Variants in UGT1A10 observed in about 807,000 individuals in gnomAD.
UGT1A10 encodes the protein UDP glucuronosyltransferase family 1 member A10.
Under a neutral mutation model 45.8 loss-of-function variants are expected in UGT1A10, and 49 were observed. The ratio of observed to expected loss-of-function variants is 1.07; its 90% CI spans 0.85 to 1.36. UGT1A10 has a LOEUF of 1.36. UGT1A10 is among the 40% of genes most tolerant of loss of function. UGT1A10 has a pLI of 0.00. For missense variants in UGT1A10, 745 were observed against 668.6 expected, an observed-to-expected ratio of 1.11 and a Z score of -1.26; for synonymous variants, 284 against 249.7, an observed-to-expected ratio of 1.14 and a Z score of -1.29.
At chr2:233,693,306 A>C in intron 1 of UGT1A10, 1 of 1,614,218 alleles carries the variant, frequency 6.2e-7, no homozygotes, top group Non-Finnish European at 8.5e-7. Flanking sequence ...CACTTTGCTG[A>C]GCGATCATTC....
At chr2:233,752,890 C>A (rs537828663) in intron 1 of UGT1A10, among the ~76,000 whole-genome samples, 13 of 152,204 alleles carry the variant, frequency 8.5e-5, no homozygotes, top group Admixed American at 7.2e-4. Context: ...AACTAGCCAG[C>A]GTTGTTACAG....
intron 1 of UGT1A10, among the ~76,000 whole-genome samples, chr2:233,669,095 T>C (rs1429104464): frequency 6.6e-6 from 1 of 152,188 alleles, no homozygotes; most frequent in Admixed American, 6.5e-5. Flanking sequence ...TGTTGAAGAG[T>C]CATCTTTTCC....
intron 1 of UGT1A10, chr2:233,743,961 G>C (rs1220735729): frequency 1.5e-6 from 2 of 1,333,366 alleles, no homozygotes; most frequent in East Asian, 4.6e-5. Context: ...ACAGCGAGCG[G>C]CAAGGCTGCC....
At chr2:233,716,525 A>G (rs931011254) in intron 1 of UGT1A10, among the ~76,000 whole-genome samples, 1 of 152,164 alleles carries the variant, frequency 6.6e-6, no homozygotes, top group Non-Finnish European at 1.5e-5. Flanking sequence ...CTTACCATTC[A>G]ATTATCTCCT....
At chr2:233,705,203 C>T (rs1366859032) in intron 1 of UGT1A10, among the ~76,000 whole-genome samples, 1 of 151,508 alleles carries the variant, frequency 6.6e-6, no homozygotes, top group Non-Finnish European at 1.5e-5. Flanking sequence ...CCTTTTATAA[C>T]TACATGATTA....
chr2:233,672,608 A>T, intron 1 of UGT1A10: 1 of 1,613,834 alleles, frequency 6.2e-7, no homozygotes, highest in Non-Finnish European at 8.5e-7. Context: ...CGTTTTTTCA[A>T]AAATGCCCTA....
At chr2:233,730,985 T>C (rs766907684) in intron 1 of UGT1A10, among the ~76,000 whole-genome samples, 61 of 152,340 alleles carry the variant, frequency 4.0e-4, no homozygotes, top group Admixed American at 5.9e-4. Flanking sequence ...TATTGTTTCT[T>C]ATTCCTTGCT....
intron 1 of UGT1A10, chr2:233,747,143 T>C (rs1451311300): frequency 2.6e-6 from 4 of 1,563,162 alleles, no homozygotes; most frequent in African/African-American, 1.4e-5. Context: ...ACAAGGTAAT[T>C]AAGATGAAGA....
intron 1 of UGT1A10, among the ~76,000 whole-genome samples, chr2:233,671,694 C>T (rs1405615111): frequency 2.0e-5 from 3 of 152,230 alleles, no homozygotes; most frequent in Admixed American, 6.5e-5. Context: ...GCATGTTCTG[C>T]CCCCAAGGCA....
At chr2:233,690,639 A>G (rs1436804379) in intron 1 of UGT1A10, 2 of 1,287,574 alleles carry the variant, frequency 1.6e-6, no homozygotes, top group East Asian at 1.1e-4. Flanking sequence ...ACCTGAGGAC[A>G]CCTTGACTCC....
chr2:233,653,407 T>C (rs2073785361), intron 1 of UGT1A10, among the ~76,000 whole-genome samples: 1 of 152,082 alleles, frequency 6.6e-6, no homozygotes, highest in South Asian at 2.1e-4. Flanking sequence ...CTTAAAGTAA[T>C]AGGTTAAAAA....
In UGT1A10 at chr2:233,772,491, T is replaced by C; in HGVS notation, c.1525T>C (p.Tyr509His). The C allele has an allele frequency of 6.2e-7, 1 of 1,614,160 alleles. No homozygotes were observed. Among genetic ancestry groups the C allele is most frequent in the South Asian group, 1.1e-5 (1 of 91,082 alleles). Reference sequence around the variant, plus strand: ...CTTCATCACCTTTAAATGTTGTGCTTATGGCTACCGGAAATGCTTGGGGAA... The same window carrying C: ...CTTCATCACCTTTAAATGTTGTGCTCATGGCTACCGGAAATGCTTGGGGAA... ...VAFITFKCCA[Y>H]GYRKCLGKKG... Residue 509 changes from tyrosine to histidine, a missense_variant, in exon 5 of 5, where the codon TAT becomes CAT. Physicochemically the swap from Tyr to His is moderately conservative, Grantham distance 83 (BLOSUM62 2). Coordinates refer to ENST00000344644, the MANE Select transcript of UGT1A10 (RefSeq NM_019075.4).
At chr2:233,728,783 A>T (rs1324632843) in intron 1 of UGT1A10, among the ~76,000 whole-genome samples, 1 of 152,246 alleles carries the variant, frequency 6.6e-6, no homozygotes, top group Admixed American at 6.5e-5. Context: ...CCTGATAAAC[A>T]TGGTTAACAG....
intron 1 of UGT1A10, among the ~76,000 whole-genome samples, chr2:233,680,412 A>G (rs781618999): frequency 1.1e-4 from 16 of 152,200 alleles, no homozygotes; most frequent in Non-Finnish European, 2.1e-4. Context: ...CAACAAAATT[A>G]TTATAGTAGT....
In UGT1A10 at chr2:233,755,690, C is replaced by T. The variant is rs58069490; in HGVS notation, c.856-11344C>T. 7.1e-3 allele frequency: 1,102 copies of T among 155,734 alleles called. 14 individuals carry two copies. Among genetic ancestry groups the T allele is most frequent in the African/African-American group, 0.021 (857 of 41,546 alleles). The allele number at this position is 155,734 out of a possible 1,614,324, so 9.6% of individuals were successfully genotyped here. The stretch of plus-strand genomic sequence containing the variant: ...GTGGTGGGAGTGAGTTTAGTCTGAC[C>T]GGGGCTGAAGACATCCTGTTGTTTA... On this transcript the variant is annotated intron_variant, in intron 1 of 4. Transcript: ENST00000344644.
At chr2:233,693,331 G>C (rs754916452) in intron 1 of UGT1A10, 34 of 1,614,074 alleles carry the variant, frequency 2.1e-5, no homozygotes, top group Non-Finnish European at 2.8e-5. Flanking sequence ...CTGCTCCTCA[G>C]ACAGAGTACA....
At chr2:233,732,423 T>C (rs1232820803) in intron 1 of UGT1A10, among the ~76,000 whole-genome samples, 1 of 152,264 alleles carries the variant, frequency 6.6e-6, no homozygotes, top group Non-Finnish European at 1.5e-5. Context: ...GGTTTTCTTC[T>C]AGGATTTTTA....
intron 1 of UGT1A10, among the ~76,000 whole-genome samples, chr2:233,656,672 T>C (rs1321301196): frequency 6.6e-6 from 1 of 152,096 alleles, no homozygotes; most frequent in South Asian, 2.1e-4. Context: ...CTAAAGTGGG[T>C]CAGTTGTGTT....
intron 1 of UGT1A10, among the ~76,000 whole-genome samples, chr2:233,668,517 C>T (rs1011126774): frequency 3.3e-5 from 5 of 152,146 alleles, no homozygotes; most frequent in African/African-American, 1.2e-4. Flanking sequence ...AATAAACATA[C>T]GTGTGCATGT....
Sources: gnomAD v4.1 joint callset for allele counts (sites outside exome capture counted in the v4.1 genomes callset) on GRCh38, gnomAD v4.1.1 for gene constraint, MANE v1.5 for transcripts, NCBI Gene and HGNC (gene_info 2026-07-23, HGNC 2026-07-21) for gene names.